ZNF16: variants seen among roughly 807,000 people sequenced by gnomAD.
ZNF16 encodes the protein zinc finger protein 16, also known as zinc finger protein KOX9.
Under a neutral mutation model 9.0 loss-of-function variants are expected in ZNF16, and 7 were observed. That is an observed-to-expected ratio of 0.78 (90% CI 0.44 to 1.47). ZNF16 has a LOEUF of 1.47. ZNF16 is among the 40% of genes most tolerant of loss of function. The pLI is 0.01. For synonymous variants in ZNF16, 312 were observed against 301.5 expected (o/e 1.03, Z -0.36); for missense variants, 830 against 854.2 (o/e 0.97, Z 0.35).
At chr8:144,943,800 G>A (rs928527119) in intron 2 of ZNF16, among the ~76,000 whole-genome samples, 9 of 151,934 alleles carry the variant, frequency 5.9e-5, no homozygotes, top group South Asian at 2.1e-4. Context: ...GATGACAGGC[G>A]TGAGCCACAA....
intron 2 of ZNF16, chr8:144,944,735 T>C (rs1021206504): frequency 3.3e-5 from 5 of 152,248 alleles, no homozygotes; most frequent in African/African-American, 1.2e-4. Context: ...GTATCCCCCC[T>C]CCAGGCTTTG....
Position 144,946,199 on chromosome 8 carries a change from C to T in ZNF16, c.8G>A (p.Ser3Asn). 6.6e-7 allele frequency: 1 copy of T among 1,517,254 alleles called. No individual in the cohort carries two copies. Among genetic ancestry groups the T allele is most frequent in the South Asian group, 1.3e-5 (1 of 75,720 alleles). 94.0% of individuals were successfully genotyped at this position (1,517,254 alleles called of 1,614,324 possible). MP[S>N]LRTRREEAEM... is the part of the protein sequence containing the mutation. ...TGCCTCCTCACGGCGAGTTCTGAGG[C>T]TGGGCATGACAAGGACCTGAAAACC... is the stretch of plus-strand genomic sequence containing the variant. The change falls in exon 2 of 3, where the codon AGC becomes AAC. Residue 3 changes from serine to asparagine, a missense_variant. By Grantham distance (46) the Ser-to-Asn change is conservative. Coordinates refer to ENST00000394909, the MANE Select transcript of ZNF16 (RefSeq NM_006958.3).
At chr8:144,942,081 C>T (rs1833814070) in intron 2 of ZNF16, among the ~76,000 whole-genome samples, 1 of 142,782 alleles carries the variant, frequency 7.0e-6, no homozygotes, top group Admixed American at 7.0e-5. Flanking sequence ...GGGTTCACGC[C>T]ATTCTCCTGC....
chr8:144,941,589 G>A (rs1013360245), intron 2 of ZNF16, among the ~76,000 whole-genome samples: 2 of 151,416 alleles, frequency 1.3e-5, no homozygotes, highest in Admixed American at 6.6e-5. Context: ...TTGTTCCTCA[G>A]TTCCTCTACT....
intron 1 of ZNF16, among the ~76,000 whole-genome samples, chr8:144,949,973 T>C (rs373580211): frequency 2.9e-4 from 44 of 152,322 alleles, no homozygotes; most frequent in Middle Eastern, 3.4e-3. Context: ...GGGAACTGAA[T>C]GTCTCGGTAT....
Position 144,931,535 on chromosome 8 carries a change from A to C in ZNF16, c.1252T>G (p.Ser418Ala), listed in dbSNP as rs78122695. 1,469 of 1,613,990 alleles carry C rather than the reference A, an allele frequency of 9.1e-4. 20 individuals are homozygous for C. The East Asian group carries it at 0.03, about 33-fold the overall frequency. ...NDCGKPFSRVSNLIKHHRVHT... is the reference protein window; with the variant it reads ...NDCGKPFSRVANLIKHHRVHT... ...ACCCTGTGGTGCTTAATGAGGTTGG[A>C]GACCCGACTGAAGGGCTTGCCACAA... is the stretch of plus-strand genomic sequence containing the variant. The change falls in exon 3 of 3, where the codon TCC becomes GCC. Residue 418 changes from serine to alanine, a missense_variant. By Grantham distance (99) the Ser-to-Ala change is moderately conservative. Transcript: ENST00000394909.
In ZNF16 at chr8:144,946,076, G is replaced by A. The variant is rs1401112616; in HGVS notation, c.131C>T (p.Ala44Val). Residue 44 changes from alanine (A) to valine (V), a missense_variant, in exon 2 of 3, where the codon GCC becomes GTC. Ala to Val is a moderately conservative substitution (Grantham distance 64, BLOSUM62 0). Coordinates refer to ENST00000394909, the MANE Select transcript of ZNF16 (RefSeq NM_006958.3). ...APAVTHPGSA[A>V]CGTPCCSDTE... ...ATCACTACAGCAGGGGGTACCACAG[G>A]CTGCAGATCCAGGGTGGGTCACAGC... 6.2e-7 allele frequency: 1 copy of A among 1,613,496 alleles called. No individual in the cohort carries two copies. Among genetic ancestry groups the A allele is most frequent in the Non-Finnish European group, 8.5e-7 (1 of 1,179,548 alleles).
chr8:144,936,647 ATCTTT>A (rs1833688296), intron 2 of ZNF16, among the ~76,000 whole-genome samples: 1 of 152,180 alleles, frequency 6.6e-6, no homozygotes, highest in South Asian at 2.1e-4. Flanking sequence ...GATGTTAAGC[ATCTTT>A]TCTTTTGCTT....
chr8:144,942,432 T>C (rs550733424), intron 2 of ZNF16, among the ~76,000 whole-genome samples: 3 of 151,890 alleles, frequency 2.0e-5, no homozygotes, highest in Non-Finnish European at 4.4e-5. Flanking sequence ...GGATTACAGG[T>C]GCCCACCACC....
chr8:144,931,648 C>G lies in ZNF16; in HGVS notation c.1139G>C (p.Gly380Ala), dbSNP rs1346970405. The change falls in exon 3 of 3, where the codon GGC becomes GCC. Residue 380 changes from glycine to alanine, a missense_variant. By Grantham distance (60) the Gly-to-Ala change is moderately conservative. Coordinates refer to ENST00000394909, the MANE Select transcript of ZNF16 (RefSeq NM_006958.3). ...CTGGCTGAAGGCTTTCCCACACTCG[C>G]CACACTCAAAAGGCTTCTCTCCTGT... is the stretch of plus-strand genomic sequence containing the variant. The part of the protein sequence containing the change: ...THTGEKPFEC[G>A]ECGKAFSQSA... 1 of 1,613,232 alleles carries G rather than the reference C, an allele frequency of 6.2e-7. No homozygotes were observed. The highest frequency in any genetic ancestry group is 8.5e-7 in the Non-Finnish European group (1 of 1,179,806).
chr8:144,930,704 C>T lies in ZNF16; in HGVS notation c.*34G>A. 1.3e-6 allele frequency: 2 copies of T among 1,514,480 alleles called. No homozygotes were observed. Among genetic ancestry groups the T allele is most frequent in the Non-Finnish European group, 1.8e-6 (2 of 1,133,808 alleles). The allele number at this position is 1,514,480 out of a possible 1,614,324, so 93.8% of individuals were successfully genotyped here. ...GGCCAAAGAGGAGTTGGAGAGGAAA[C>T]TATGCTCGGTTTCACTCCTGCCAGC... On this transcript the variant is annotated 3_prime_UTR_variant, in exon 3 of 3. Transcript: ENST00000394909.
intron 2 of ZNF16, 21 bp downstream of exon 2, chr8:144,945,990 G>T: frequency 6.2e-7 from 1 of 1,612,596 alleles, no homozygotes; most frequent in East Asian, 2.2e-5. Flanking sequence ...GGGCACCAGC[G>T]GAGAACTGTT....
rs1475298936 is a variant in ZNF16, at chr8:144,931,655, C to T, written c.1132G>A (p.Glu378Lys). Residue 378 changes from glutamate (E) to lysine (K), a missense_variant, in exon 3 of 3, where the codon GAG becomes AAG. By Grantham distance (56) the Glu-to-Lys change is moderately conservative (BLOSUM62 1). Coordinates refer to ENST00000394909, the MANE Select transcript of ZNF16 (RefSeq NM_006958.3). ...HRTHTGEKPF[E>K]CGECGKAFSQ... The stretch of plus-strand genomic sequence containing the variant: ...AAGGCTTTCCCACACTCGCCACACT[C>T]AAAAGGCTTCTCTCCTGTGTGAGTC... 1.2e-6 allele frequency: 2 copies of T among 1,613,512 alleles called. No individual in the cohort carries two copies. Among genetic ancestry groups the T allele is most frequent in the Admixed American group, 3.3e-5 (2 of 59,968 alleles).
chr8:144,945,936 A>C (rs1833913739), intron 2 of ZNF16, 75 bp downstream of exon 2: 2 of 1,574,410 alleles, frequency 1.3e-6, no homozygotes, highest in African/African-American at 2.7e-5. Context: ...GATGCCTCCT[A>C]GGGGTAAGCA....
chr8:144,931,311 A>G lies in ZNF16; in HGVS notation c.1476T>C (p.Ser492=), dbSNP rs760850365. 1 of 1,614,236 alleles carries G rather than the reference A, an allele frequency of 6.2e-7. No individual in the cohort carries two copies. Among genetic ancestry groups the G allele is most frequent in the East Asian group, 2.2e-5 (1 of 44,884 alleles). Residue 492 remains serine (S), a synonymous_variant, in exon 3 of 3, where the codon AGT becomes AGC. Coordinates refer to ENST00000394909, the MANE Select transcript of ZNF16 (RefSeq NM_006958.3). ...TGTGGCTGAAGGCCTTCCCACAGAC[A>G]CTGCATCTGTACGGCTTCTCTCCCG... ...IHTGEKPYRC[S]VCGKAFSHSS... is the part of the protein sequence containing the mutation.
At chr8:144,934,633 G>A (rs1384888446) in intron 2 of ZNF16, among the ~76,000 whole-genome samples, 3 of 152,154 alleles carry the variant, frequency 2.0e-5, no homozygotes, top group Non-Finnish European at 4.4e-5. Context: ...AGATGTCCTG[G>A]GACTCGCTGT....
Position 144,931,057 on chromosome 8 carries a change from T to C in ZNF16, c.1730A>G (p.Gln577Arg). Residue 577 changes from glutamine (Q) to arginine (R), a missense_variant, in exon 3 of 3, where the codon CAG becomes CGG. Transcript: ENST00000394909. ...GCTTCGGTTGAAGGCTTTACCACAC[T>C]GGTTACATTCATGGGGCTTCAGCCC... The part of the protein sequence containing the change: ...HNGLKPHECN[Q>R]CGKAFNRSSN... 1.2e-6 allele frequency: 2 copies of C among 1,614,232 alleles called. No homozygotes were observed. The highest frequency in any genetic ancestry group is 1.7e-6 in the Non-Finnish European group (2 of 1,180,036).
intron 1 of ZNF16, among the ~76,000 whole-genome samples, chr8:144,946,947 C>T (rs1481202953): frequency 1.7e-5 from 2 of 115,142 alleles, no homozygotes; most frequent in East Asian, 5.1e-4. Flanking sequence ...GGCCTGTACC[C>T]TGCTGTGGGC....
intron 1 of ZNF16, among the ~76,000 whole-genome samples, chr8:144,950,169 G>A (rs551430822): frequency 9.2e-4 from 140 of 151,780 alleles, no homozygotes; most frequent in Non-Finnish European, 1.8e-3. Flanking sequence ...ACTTAATTAT[G>A]GCACAGATTC....
Sources: gnomAD v4.1 joint callset for allele counts (sites outside exome capture counted in the v4.1 genomes callset) on GRCh38, gnomAD v4.1.1 for gene constraint, MANE v1.5 for transcripts, NCBI Gene and HGNC (gene_info 2026-07-23, HGNC 2026-07-21) for gene names.